IPO9: variants seen among roughly 807,000 people sequenced by gnomAD.
IPO9 encodes importin 9.
In IPO9, 28 loss-of-function variants were observed where a neutral mutation model predicts 128.6. The ratio of observed to expected loss-of-function variants is 0.22; its 90% CI spans 0.16 to 0.30. The LOEUF (loss-of-function observed/expected upper bound fraction) is 0.30. IPO9 is among the 10% of genes least tolerant of loss of function. The pLI, the probability that IPO9 is intolerant of heterozygous loss-of-function variation, is 1.00. For synonymous variants in IPO9, 455 were observed against 475.8 expected (o/e 0.96, Z 0.57); for missense variants, 935 against 1,293.9 (o/e 0.72, Z 4.26).
At position 201,876,139 on chromosome 1, in the gene IPO9, T is replaced by C. The variant is rs757296678; in HGVS notation, c.*85T>C. On this transcript the variant is annotated 3_prime_UTR_variant, in exon 24 of 24. Transcript: ENST00000361565. ...TCACTGGCCTTGAGATGCACTTTCT[T>C]CTCAACCTAAAGTGGCATCTTGACC... 1.1e-6 allele frequency: 1 copy of C among 925,814 alleles called. No individual in the cohort carries two copies. The highest frequency in any genetic ancestry group is 1.8e-6 in the Non-Finnish European group (1 of 551,194). 57.3% of individuals were successfully genotyped at this position (925,814 alleles called of 1,614,324 possible).
rs369691461 is a variant in IPO9 at position 201,881,339 on chromosome 1, GAT to G, written c.*5288_*5289del. 6.6e-6 allele frequency: 1 copy of G among 152,298 alleles called. No homozygotes were observed. The highest frequency in any genetic ancestry group is 2.4e-5 in the African/African-American group (1 of 41,546). The allele number at this position is 152,298 out of a possible 1,614,324, so 9.4% of individuals were successfully genotyped here. A position where few individuals can be genotyped will look rare whatever the true frequency, so the allele number is the denominator to read the frequency against. ...CAGATTGATGAAACTGAAGCAGACA[GAT>G]ATTGTTAACCTATCAAAGGTCACCC... is the stretch of plus-strand genomic sequence containing the variant. On this transcript the variant is annotated 3_prime_UTR_variant, in exon 24 of 24. Transcript: ENST00000361565.
In IPO9 at chr1:201,847,597, G is replaced by A. The variant is rs775667347; in HGVS notation, c.271G>A (p.Ala91Thr). The A allele has an allele frequency of 1.2e-6, 2 of 1,614,050 alleles. No individual in the cohort carries two copies. The highest frequency in any genetic ancestry group is 2.2e-5 in the South Asian group (2 of 91,084). Reference protein sequence around the residue: ...LKQYVETHWCAQSEKFRPPET... With the variant: ...LKQYVETHWCTQSEKFRPPET... The stretch of plus-strand genomic sequence containing the variant: ...ACAATATGTGGAGACTCACTGGTGT[G>A]CCCAATCAGAGAAATTTAGGCCTCC... The change falls in exon 3 of 24, where the codon GCC (alanine) becomes ACC (threonine). Residue 91 changes from alanine (A) to threonine (T), a missense_variant. Ala to Thr is a moderately conservative substitution (Grantham distance 58). This residue lies in a region of IPO9 where 741 missense variants were observed against 1,019.1 expected (regional missense o/e 0.73). Transcript: ENST00000361565.
intron 3 of IPO9, 83 bp downstream of exon 3, chr1:201,847,721 A>T (rs768302695): frequency 1.0e-6 from 1 of 983,658 alleles, no homozygotes; most frequent in Non-Finnish European, 1.6e-6. Flanking sequence ...CTTTGACAGC[A>T]TGGAGCAATC....
chr1:201,862,858 G>A (rs1680474808), intron 13 of IPO9, among the ~76,000 whole-genome samples: 2 of 151,680 alleles, frequency 1.3e-5, no homozygotes, highest in African/African-American at 4.8e-5. Context: ...AATAATGAGA[G>A]CTGGGGGTGA....
At chr1:201,848,026 A>G (rs1245293437) in intron 3 of IPO9, among the ~76,000 whole-genome samples, 1 of 152,210 alleles carries the variant, frequency 6.6e-6, no homozygotes, top group Non-Finnish European at 1.5e-5. Flanking sequence ...GTCTGGAGGA[A>G]TGTTTTCCAC....
Position 201,863,471 on chromosome 1 carries a change from G to T in IPO9, c.1492G>T (p.Ala498Ser), listed in dbSNP as rs200231992. The T allele has an allele frequency of 8.8e-5, 139 of 1,581,410 alleles. No individual in the cohort carries two copies. The highest frequency in any genetic ancestry group is 3.4e-4 in the Middle Eastern group (2 of 5,934). ...AGTGTCTCCTTTCCTCTTGGGCCGGGCACTTTGGGCTGCCAGTCGGTTCAC... is the reference window on the plus strand; with the variant it reads ...AGTGTCTCCTTTCCTCTTGGGCCGGTCACTTTGGGCTGCCAGTCGGTTCAC... The part of the protein sequence containing the change: ...LSVSPFLLGR[A>S]LWAASRFTVA... Residue 498 changes from alanine to serine, a missense_variant, in exon 14 of 24, where the codon GCA (alanine) becomes TCA (serine). Coordinates refer to ENST00000361565, the MANE Select transcript of IPO9 (RefSeq NM_018085.5).
At chr1:201,843,097 A>G (rs903382212) in intron 1 of IPO9, among the ~76,000 whole-genome samples, 6 of 152,236 alleles carry the variant, frequency 3.9e-5, no homozygotes, top group Non-Finnish European at 7.3e-5. Context: ...GCAGGCAACA[A>G]TACTAGTCTA....
intron 1 of IPO9, among the ~76,000 whole-genome samples, chr1:201,835,963 T>A (rs1679913041): frequency 6.6e-6 from 1 of 151,844 alleles, no homozygotes; most frequent in African/African-American, 2.4e-5. Context: ...TACAAAAAAA[T>A]TAGCCAGGCG....
chr1:201,861,177 G>A (rs2644105), intron 13 of IPO9, among the ~76,000 whole-genome samples: 148,042 of 152,294 alleles, frequency 0.97, 72,117 homozygotes, highest in East Asian at 1. Context: ...AAAAAAAGAA[G>A]GAATGAAAGT....
chr1:201,859,688 G>C (rs1433284182), intron 13 of IPO9, among the ~76,000 whole-genome samples: 1 of 152,160 alleles, frequency 6.6e-6, no homozygotes, highest in Non-Finnish European at 1.5e-5. Context: ...GGCCAGGCGC[G>C]ATGGCTCATG....
chr1:201,865,261 T>C (rs956113295), intron 14 of IPO9, among the ~76,000 whole-genome samples: 6 of 148,696 alleles, frequency 4.0e-5, no homozygotes, highest in Non-Finnish European at 8.9e-5. Context: ...CAGGCTGGAG[T>C]GCAGTGGCGC....
intron 4 of IPO9, chr1:201,850,822 G>T (rs1229690828): frequency 2.0e-5 from 3 of 152,034 alleles, no homozygotes; most frequent in Admixed American, 6.6e-5. Flanking sequence ...TCAAAGCTCA[G>T]ACTTTATCCT....
At chr1:201,873,528 G>A (rs573259937) in intron 20 of IPO9, among the ~76,000 whole-genome samples, 3 of 149,888 alleles carry the variant, frequency 2.0e-5, no homozygotes, top group South Asian at 2.1e-4. Context: ...TGGGTGGATC[G>A]CCTGAGGCCG....
Position 201,856,762 on chromosome 1 carries a change from C to T in IPO9, c.1123-334C>T, listed in dbSNP as rs530501961. On this transcript the variant is annotated intron_variant, in intron 10 of 23. Transcript: ENST00000361565. ...AGTGCAGTGGTGTAGACAAAGCTCA[C>T]GGCAGCCTTGACCTCCCAGGCTCAA... 4.6e-5 allele frequency among the ~76,000 whole-genome samples: 7 copies of T among 152,308 alleles called. No individual in the cohort carries two copies. In the East Asian group the frequency reaches 7.7e-4, roughly 17 times the overall value.
chr1:201,837,923 A>G (rs1679967383), intron 1 of IPO9, among the ~76,000 whole-genome samples: 1 of 152,006 alleles, frequency 6.6e-6, no homozygotes, highest in African/African-American at 2.4e-5. Flanking sequence ...CTACAAAATT[A>G]GCTGGGCGTG....
At chr1:201,864,100 A>G (rs1680506464) in intron 14 of IPO9, among the ~76,000 whole-genome samples, 1 of 152,232 alleles carries the variant, frequency 6.6e-6, no homozygotes, top group South Asian at 2.1e-4. Flanking sequence ...ATTCCTACGC[A>G]GACTAGAAGG....
rs766947539 is a variant in IPO9 at position 201,848,409 on chromosome 1, G to A, written c.329G>A (p.Arg110Gln). 15 of 1,614,092 alleles carry A rather than the reference G, an allele frequency of 9.3e-6. No homozygotes were observed. The highest frequency in any genetic ancestry group is 4.5e-5 in the East Asian group (2 of 44,874). ...CCCTTACAGGCAAAAATTGTTATCC[G>A]GGAGCTATTGCCTAATGGGTTGAGA... Reference protein sequence around the residue: ...ETTERAKIVIRELLPNGLRES... With the variant: ...ETTERAKIVIQELLPNGLRES... Residue 110 changes from arginine (R) to glutamine (Q), a missense_variant, in exon 4 of 24, where the codon CGG becomes CAG. Coordinates refer to ENST00000361565, the MANE Select transcript of IPO9 (RefSeq NM_018085.5).
At chr1:201,843,369 T>C (rs969495901) in intron 1 of IPO9, among the ~76,000 whole-genome samples, 2 of 152,042 alleles carry the variant, frequency 1.3e-5, no homozygotes, top group African/African-American at 2.4e-5. Flanking sequence ...CTAAGACCAT[T>C]GCATCAGGTA....
At chr1:201,873,213 A>G (rs778455806) in intron 20 of IPO9, among the ~76,000 whole-genome samples, 2 of 151,716 alleles carry the variant, frequency 1.3e-5, no homozygotes, top group Non-Finnish European at 2.9e-5. Flanking sequence ...GGGAGGCCAG[A>G]GCGGATGGAT....
Sources: allele counts gnomAD v4.1 joint callset (sites outside exome capture counted in the v4.1 genomes callset), GRCh38; gene constraint gnomAD v4.1.1; regional missense constraint gnomAD v4.1.1; transcripts MANE v1.5; gene names NCBI Gene and HGNC (gene_info 2026-07-23, HGNC 2026-07-21).